TMEM237: variants seen among roughly 807,000 people sequenced by gnomAD.
The protein encoded by TMEM237 is transmembrane protein 237.
TMEM237 carries 51 observed loss-of-function variants against 59.1 expected under a neutral mutation model. The ratio of observed to expected loss-of-function variants is 0.86; its 90% CI spans 0.69 to 1.09. The LOEUF (loss-of-function observed/expected upper bound fraction) is 1.09. Ranked by LOEUF, TMEM237 falls within the 50% of genes least tolerant of loss-of-function variation. The pLI is 0.00. For missense variants in TMEM237, 475 were observed against 478.3 expected (o/e 0.99, Z 0.06); for synonymous variants, 140 against 166.1 (o/e 0.84, Z 1.21).
intron 9 of TMEM237, 21 bp downstream of exon 9, chr2:201,629,209 A>G: frequency 6.6e-7 from 1 of 1,513,244 alleles, no homozygotes; most frequent in Non-Finnish European, 8.8e-7. Context: ...AGTTAGACAG[A>G]TCTGGAGTCA....
At chr2:201,627,964 A>T in intron 10 of TMEM237, 112 bp downstream of exon 10, 1 of 624,126 alleles carries the variant, frequency 1.6e-6, no homozygotes, top group Non-Finnish European at 2.7e-6. Context: ...TCTATAGGTA[A>T]TGTTTATAAG....
rs560962117 is a variant in TMEM237 at position 201,627,785 on chromosome 2, C to T, written c.943+291G>A. 3.9e-5 allele frequency among the ~76,000 whole-genome samples: 6 copies of T among 152,126 alleles called. No individual in the cohort carries two copies. In the East Asian group the frequency reaches 1.2e-3, roughly 29 times the overall value. On this transcript the variant is annotated intron_variant, in intron 10 of 12. Transcript: ENST00000409883. Reference sequence around the variant, plus strand: ...AAAATATTGTTTGTTATTAAAAGGCCATACCCGCTGAATCTGTTTAATGTC... The same window carrying T: ...AAAATATTGTTTGTTATTAAAAGGCTATACCCGCTGAATCTGTTTAATGTC...
rs369460337 is a variant in TMEM237 at position 201,638,969 on chromosome 2, A to G, written c.136+20T>C. On this transcript the variant is annotated intron_variant, in intron 4 of 12. Transcript: ENST00000409883. ...CCTGGGAAAACTTGTGATCCCACACAACAAAGAATAACGTCTTACCTGGTG... is the reference window on the plus strand; with the variant it reads ...CCTGGGAAAACTTGTGATCCCACACGACAAAGAATAACGTCTTACCTGGTG... 20 of 1,569,708 alleles carry G rather than the reference A, an allele frequency of 1.3e-5. No homozygotes were observed. Among genetic ancestry groups the G allele is most frequent in the Admixed American group, 5.7e-5 (3 of 52,696 alleles).
At chr2:201,638,625 T>G (rs1298932123) in intron 4 of TMEM237, 2 of 201,680 alleles carry the variant, frequency 9.9e-6, no homozygotes, top group African/African-American at 4.7e-5. Context: ...AAGTGAGATT[T>G]AAGAACTCTG....
chr2:201,643,273 C>CGGGG lies in TMEM237; in HGVS notation c.42+85_42+86insCCCC. 2 of 1,223,742 alleles carry CGGGG rather than the reference C, an allele frequency of 1.6e-6. No individual in the cohort carries two copies. The highest frequency in any genetic ancestry group is 1.2e-6 in the Non-Finnish European group (1 of 861,410). The allele number at this position is 1,223,742 out of a possible 1,614,324, so 75.8% of individuals were successfully genotyped here. A position where few individuals can be genotyped will look rare whatever the true frequency, so the allele number is the denominator to read the frequency against. On this transcript the variant is annotated intron_variant, in intron 1 of 12. Transcript: ENST00000409883. The surrounding 1 kb of genome is among the most constrained non-coding windows in gnomAD (Gnocchi z 4.3). ...CCCTTAGTGATTCCCAGCTCGTTGG[C>CGGGG]GCCCCCCCACACACACCCACCCCCA...
In TMEM237 at chr2:201,643,441, G is replaced by C. The variant is rs775786085; in HGVS notation, c.-41C>G. ...GGGCTGCCCCGGCGCAACCGCCGGC[G>C]GCCCGAGCCCAGCTCCCCGCGACGC... On this transcript the variant is annotated 5_prime_UTR_variant, in exon 1 of 13. Transcript: ENST00000409883. This position sits in a 1 kb window ranked among gnomAD's most constrained non-coding sequence, Gnocchi z 4.3. 31 of 1,470,800 alleles carry C rather than the reference G, an allele frequency of 2.1e-5. No homozygotes were observed. The highest frequency in any genetic ancestry group is 2.8e-5 in the Non-Finnish European group (31 of 1,108,904). The allele number at this position is 1,470,800 out of a possible 1,614,324, so 91.1% of individuals were successfully genotyped here.
chr2:201,638,457 T>C (rs1457080260), intron 4 of TMEM237: 3 of 152,396 alleles, frequency 2.0e-5, no homozygotes, highest in Non-Finnish European at 4.4e-5. Context: ...CGATGGATTC[T>C]AGATGTGCTG....
At position 201,643,248 on chromosome 2, in the gene TMEM237, CCCTT is replaced by C; in HGVS notation, c.42+107_42+110del. The C allele has an allele frequency of 4.9e-6, 6 of 1,227,868 alleles. No individual in the cohort carries two copies. Among genetic ancestry groups the C allele is most frequent in the Non-Finnish European group, 5.7e-6 (5 of 873,762 alleles). The allele number at this position is 1,227,868 out of a possible 1,614,324, so 76.1% of individuals were successfully genotyped here. A position where few individuals can be genotyped will look rare whatever the true frequency, so the allele number is the denominator to read the frequency against. ...GCGCGCACCCCACGAGCAAGGCCCT[CCCTT>C]AGTGATTCCCAGCTCGTTGGCGCCC... On this transcript the variant is annotated intron_variant, in intron 1 of 12. Coordinates refer to ENST00000409883, the MANE Select transcript of TMEM237 (RefSeq NM_001044385.3). This position sits in a 1 kb window ranked among gnomAD's most constrained non-coding sequence, Gnocchi z 4.3.
intron 8 of TMEM237, 145 bp from the exon 9 acceptor site, chr2:201,629,566 G>C (rs980133427): frequency 7.9e-7 from 1 of 1,264,496 alleles, no homozygotes; most frequent in Non-Finnish European, 1.1e-6. Flanking sequence ...TACACTGATA[G>C]GTAGATCACT....
At chr2:201,633,681 CAA>C (rs1687228938) in intron 5 of TMEM237, among the ~76,000 whole-genome samples, 1 of 152,082 alleles carries the variant, frequency 6.6e-6, no homozygotes, top group South Asian at 2.1e-4. Context: ...TGAAGATTCC[CAA>C]GATTATCTCC....
Position 201,620,560 on chromosome 2 carries a change from G to T in TMEM237, c.*3695C>A, listed in dbSNP as rs1253157717. The T allele has an allele frequency of 2.0e-5, 3 of 152,160 alleles. No individual in the cohort carries two copies. Among genetic ancestry groups the T allele is most frequent in the Non-Finnish European group, 1.5e-5 (1 of 68,040 alleles). The allele number at this position is 152,160 out of a possible 1,614,324, so 9.4% of individuals were successfully genotyped here. On this transcript the variant is annotated 3_prime_UTR_variant, in exon 13 of 13. Transcript: ENST00000409883. ...TACAGGGAGGTCAAGGAAGACAACG[G>T]TTTTTAAAGCAAAAATGATTGTTTT... is the stretch of plus-strand genomic sequence containing the variant.
chr2:201,637,662 T>C (rs1057084948), intron 4 of TMEM237, among the ~76,000 whole-genome samples: 3 of 151,474 alleles, frequency 2.0e-5, no homozygotes, highest in Non-Finnish European at 4.4e-5. Context: ...GGAGAATCGC[T>C]TGAACCCAGG....
chr2:201,642,747 C>G (rs765332524), intron 1 of TMEM237: 244 of 1,467,592 alleles, frequency 1.7e-4, no homozygotes, highest in Middle Eastern at 3.6e-4. Context: ...GCTAGTACCC[C>G]GCGCGCAGCG....
At chr2:201,625,981 T>C (rs201921833) in intron 12 of TMEM237, 45 bp downstream of exon 12, 321 of 1,537,682 alleles carry the variant, frequency 2.1e-4, no homozygotes, top group Non-Finnish European at 2.6e-4. Flanking sequence ...AAAACCATTA[T>C]AGAAGATTTC....
Position 201,621,942 on chromosome 2 carries a change from C to G in TMEM237, c.*2313G>C, listed in dbSNP as rs1159381264. 1 of 152,316 alleles carries G rather than the reference C, an allele frequency of 6.6e-6. No individual in the cohort carries two copies. Among genetic ancestry groups the G allele is most frequent in the Non-Finnish European group, 1.5e-5 (1 of 68,062 alleles). The allele number at this position is 152,316 out of a possible 1,614,324, so 9.4% of individuals were successfully genotyped here. ...ACATGCATTAGCAGTGAACTTCTTC[C>G]AAACTTCCCTGTCATCACAGTCAAA... On this transcript the variant is annotated 3_prime_UTR_variant, in exon 13 of 13. Coordinates refer to ENST00000409883, the MANE Select transcript of TMEM237 (RefSeq NM_001044385.3).
In TMEM237 at chr2:201,629,760, C is replaced by A. The variant is rs1174747467; in HGVS notation, c.646G>T (p.Asp216Tyr). Reference sequence around the variant, plus strand: ...GCCCGGTGCACTGTAAGTGCCACATCTCTGGTGGTCCAGGAAGGCTTCACG... The same window carrying A: ...GCCCGGTGCACTGTAAGTGCCACATATCTGGTGGTCCAGGAAGGCTTCACG... Reference protein sequence around the residue: ...MDVKPSWTTRDVALTVHRAFR... With the variant: ...MDVKPSWTTRYVALTVHRAFR... The change falls in exon 8 of 13, where the codon GAT (aspartate) becomes TAT (tyrosine). Residue 216 changes from aspartate (D) to tyrosine (Y), a missense_variant. Transcript: ENST00000409883. The A allele has an allele frequency of 1.2e-6, 2 of 1,613,406 alleles. No individual in the cohort carries two copies. The highest frequency in any genetic ancestry group is 8.5e-7 in the Non-Finnish European group (1 of 1,179,750).
At position 201,622,974 on chromosome 2, in the gene TMEM237, T is replaced by G; in HGVS notation, c.*1281A>C. The G allele has an allele frequency of 5.8e-6, 1 of 173,680 alleles. No homozygotes were observed. The highest frequency in any genetic ancestry group is 1.3e-5 in the Non-Finnish European group (1 of 79,390). The allele number at this position is 173,680 out of a possible 1,614,324, so 10.8% of individuals were successfully genotyped here. A position where few individuals can be genotyped will look rare whatever the true frequency, so the allele number is the denominator to read the frequency against. The stretch of plus-strand genomic sequence containing the variant: ...CAGCTTATTGCCAGATTGAGAACCA[T>G]TGCTGGTCACAGTGAAAGCTGGAAC... On this transcript the variant is annotated 3_prime_UTR_variant, in exon 13 of 13. Transcript: ENST00000409883.
At chr2:201,642,773 G>A (rs1019653115) in intron 1 of TMEM237, 2 of 1,431,856 alleles carry the variant, frequency 1.4e-6, no homozygotes, top group Non-Finnish European at 9.1e-7. Flanking sequence ...CGGGGATGTT[G>A]CGGTGAGAGG....
intron 5 of TMEM237, 100 bp downstream of exon 5, chr2:201,636,648 G>T: frequency 1.5e-6 from 2 of 1,353,042 alleles, no homozygotes; most frequent in Non-Finnish European, 1.0e-6. Context: ...AACCACCTGT[G>T]GGATATGGAT....
Sources: gnomAD v4.1 joint callset for allele counts (sites outside exome capture counted in the v4.1 genomes callset) on GRCh38, gnomAD v4.1.1 for gene constraint, Gnocchi (gnomAD v3.1) non-coding constraint, MANE v1.5 for transcripts, NCBI Gene and HGNC (gene_info 2026-07-23, HGNC 2026-07-21) for gene names.